The following TXNRD2 variants were observed in gnomAD, a reference collection of about 807,000 sequenced individuals.
The protein encoded by TXNRD2 is thioredoxin reductase 2, mitochondrial.
Under a neutral mutation model 70.8 loss-of-function variants are expected in TXNRD2, and 67 were observed. The ratio of observed to expected loss-of-function variants is 0.95; its 90% CI spans 0.78 to 1.16. The LOEUF is 1.16. Ranked by LOEUF, TXNRD2 falls within the 50% of genes most tolerant of loss-of-function variation. The pLI is 0.00. For synonymous variants in TXNRD2, 301 were observed against 295.8 expected, an observed-to-expected ratio of 1.02 and a Z score of -0.18; for missense variants, 644 against 719.9, an observed-to-expected ratio of 0.89 and a Z score of 1.21.
rs538989244 is a variant in TXNRD2, at chr22:19,885,957, C to T, written c.950-2496G>A. 7.2e-5 allele frequency among the ~76,000 whole-genome samples: 11 copies of T among 152,378 alleles called. No individual in the cohort carries two copies. In the East Asian group the frequency reaches 1.9e-3, roughly 27 times the overall value. On this transcript the variant is annotated intron_variant, in intron 11 of 17. Transcript: ENST00000400521. ...AGGTGGCCCATCCAAAGCCAGGACT[C>T]TTCCGCACATGCTCTGTGGATCACT... is the stretch of plus-strand genomic sequence containing the variant.
intron 2 of TXNRD2, among the ~76,000 whole-genome samples, chr22:19,927,578 C>T (rs1037382337): frequency 5.6e-5 from 8 of 143,706 alleles, no homozygotes; most frequent in African/African-American, 1.6e-4. Context: ...CGCTTGAACC[C>T]GGGAGGTGGA....
chr22:19,902,047 A>G (rs1939801545), intron 8 of TXNRD2, among the ~76,000 whole-genome samples: 1 of 152,206 alleles, frequency 6.6e-6, no homozygotes, highest in Non-Finnish European at 1.5e-5. Flanking sequence ...AACTAAAAAA[A>G]TTACTGGGGC....
chr22:19,918,082 G>C, intron 5 of TXNRD2, 61 bp downstream of exon 5: 1 of 1,416,694 alleles, frequency 7.1e-7, no homozygotes, highest in Non-Finnish European at 1.0e-6. Flanking sequence ...TGTGTGTCCA[G>C]GCACAGAACG....
intron 12 of TXNRD2, chr22:19,881,359 C>T: frequency 3.1e-6 from 1 of 326,958 alleles, no homozygotes; most frequent in Non-Finnish European, 5.5e-6. Flanking sequence ...AGAGCGCAGC[C>T]TGCGCATTCC....
intron 9 of TXNRD2, 23 bp downstream of exon 9, chr22:19,899,026 A>C: frequency 6.2e-7 from 1 of 1,605,520 alleles, no homozygotes; most frequent in Non-Finnish European, 8.5e-7. Context: ...CAGGACGGCC[A>C]CCTGCACGCT....
intron 13 of TXNRD2, 93 bp from the exon 14 acceptor site, chr22:19,880,364 A>C: frequency 7.6e-7 from 1 of 1,321,796 alleles, no homozygotes; most frequent in African/African-American, 1.5e-5. Flanking sequence ...ATCACAGACC[A>C]GGACCAGATG....
chr22:19,916,273 G>A (rs951154366), intron 5 of TXNRD2: 3 of 225,314 alleles, frequency 1.3e-5, no homozygotes, highest in Admixed American at 5.2e-5. Context: ...GCATGACAAG[G>A]CTGGCAAAAC....
chr22:19,896,478 TCCA>T (rs1168185757), intron 10 of TXNRD2, among the ~76,000 whole-genome samples: 1 of 152,050 alleles, frequency 6.6e-6, no homozygotes, highest in Non-Finnish European at 1.5e-5. Flanking sequence ...GGCCCACCCC[TCCA>T]CATGTGGCCA....
Position 19,876,090 on chromosome 22 carries a change from C to T in TXNRD2, c.*66-283G>A, listed in dbSNP as rs563549072. 8 of 152,442 alleles carry T rather than the reference C, an allele frequency of 5.2e-5. No individual in the cohort carries two copies. In the East Asian group the frequency reaches 1.3e-3, roughly 26 times the overall value. The allele number at this position is 152,442 out of a possible 1,614,324, so 9.4% of individuals were successfully genotyped here. ...CAGGATGCCCTTTGTTTATCCCTAT[C>T]GAGCGCGGCCCCGCCGGGGGGAGGC... On this transcript the variant is annotated intron_variant, in intron 17 of 17. Coordinates refer to ENST00000400521, the MANE Select transcript of TXNRD2 (RefSeq NM_006440.5).
At chr22:19,878,263 G>T in intron 15 of TXNRD2, 76 bp from the exon 16 acceptor site, 2 of 1,585,128 alleles carry the variant, frequency 1.3e-6, no homozygotes, top group Non-Finnish European at 8.7e-7. Flanking sequence ...CCTGCACCCT[G>T]CCTGGGAGGC....
intron 14 of TXNRD2, among the ~76,000 whole-genome samples, chr22:19,879,239 G>A (rs1938645476): frequency 6.6e-6 from 1 of 152,206 alleles, no homozygotes; most frequent in African/African-American, 2.4e-5. Flanking sequence ...GCAGGGGGAA[G>A]GGGCCAGCCC....
chr22:19,932,246 T>G (rs1324712337), intron 1 of TXNRD2: 2 of 1,587,220 alleles, frequency 1.3e-6, no homozygotes, highest in African/African-American at 2.7e-5. Flanking sequence ...GGTCTTGGTG[T>G]GCCCAGCTGC....
At chr22:19,927,160 G>GGT (rs1390587256) in intron 2 of TXNRD2, among the ~76,000 whole-genome samples, 1 of 151,784 alleles carries the variant, frequency 6.6e-6, no homozygotes, top group Admixed American at 6.6e-5. Context: ...TGGGCGTGGT[G>GGT]GCAGGCACCT....
chr22:19,938,126 G>A (rs1203007687), intron 1 of TXNRD2: 1 of 152,166 alleles, frequency 6.6e-6, no homozygotes, highest in South Asian at 2.1e-4. Flanking sequence ...TTGTCCCCAT[G>A]GGGGTCACTG....
intron 1 of TXNRD2, among the ~76,000 whole-genome samples, chr22:19,931,710 C>G (rs2871046): frequency 0.07 from 10,628 of 152,068 alleles, 813 homozygotes; most frequent in East Asian, 0.32. Flanking sequence ...GCTATGTTGC[C>G]CAGGCTGGTC....
intron 1 of TXNRD2, among the ~76,000 whole-genome samples, chr22:19,931,527 T>C (rs1223268981): frequency 6.6e-6 from 1 of 152,102 alleles, no homozygotes; most frequent in East Asian, 1.9e-4. Flanking sequence ...GGCTGGGACA[T>C]AGACCCGGAA....
chr22:19,896,040 G>A (rs573708732), intron 10 of TXNRD2, among the ~76,000 whole-genome samples: 5 of 151,620 alleles, frequency 3.3e-5, no homozygotes, highest in Middle Eastern at 3.4e-3. Flanking sequence ...GCTCACACCT[G>A]TGATCCCAGC....
intron 9 of TXNRD2, 66 bp downstream of exon 9, chr22:19,898,983 G>A: frequency 6.3e-7 from 1 of 1,595,138 alleles, no homozygotes; most frequent in Non-Finnish European, 8.5e-7. Context: ...GCGGGTGGCA[G>A]GGAGGGACTC....
In TXNRD2 at chr22:19,898,291, GC is replaced by G. The variant is rs545521882; in HGVS notation, c.683-162del. Among the ~76,000 whole-genome samples, 897 of 152,356 alleles carry G rather than the reference GC, an allele frequency of 5.9e-3. 8 individuals carry two copies. Among genetic ancestry groups the G allele is most frequent in the Non-Finnish European group, 0.011 (746 of 68,028 alleles). Reference sequence around the variant, plus strand: ...CCACCTCCACATCTCAAGTGCACAGGCTGGGGTTAGCAAGGAGCCGCCAAGC... The same window carrying G: ...CCACCTCCACATCTCAAGTGCACAGGTGGGGTTAGCAAGGAGCCGCCAAGC... On this transcript the variant is annotated intron_variant, in intron 9 of 17. Transcript: ENST00000400521.
Sources: gnomAD v4.1 joint callset for allele counts (sites outside exome capture counted in the v4.1 genomes callset) on GRCh38, gnomAD v4.1.1 for gene constraint, MANE v1.5 for transcripts, NCBI Gene and HGNC (gene_info 2026-07-23, HGNC 2026-07-21) for gene names.